Variants in POLR2C observed in about 807,000 individuals in gnomAD.
POLR2C encodes RNA polymerase II subunit C.
Under a neutral mutation model 41.7 loss-of-function variants are expected in POLR2C, and 36 were observed. That is an observed-to-expected ratio of 0.86 (90% CI 0.66 to 1.14). The LOEUF is 1.14. Ranked by LOEUF, POLR2C falls within the 50% of genes most tolerant of loss-of-function variation. The probability of loss-of-function intolerance (pLI) is 0.00; values close to 1 mark genes in which losing one functional copy is unlikely to be tolerated. For synonymous variants in POLR2C, 133 were observed against 137.8 expected (o/e 0.96, Z 0.25); for missense variants, 260 against 350.4 (o/e 0.74, Z 2.06).
At chr16:57,468,974 A>G (rs1465994234) in intron 4 of POLR2C, among the ~76,000 whole-genome samples, 191 bp from the exon 5 acceptor site, 1 of 152,232 alleles carries the variant, frequency 6.6e-6, no homozygotes, top group Non-Finnish European at 1.5e-5. Flanking sequence ...AGTTGTCTCT[A>G]AACTTGGGCA....
At position 57,469,505 on chromosome 16, in the gene POLR2C, T is replaced by C; in HGVS notation, c.388-205T>C. The stretch of plus-strand genomic sequence containing the variant: ...GCACCCTCTATCACCCAGGGACTCT[T>C]TTAAAGGCCATGGAATTGTTTTGCC... On this transcript the variant is annotated intron_variant, in intron 5 of 8. Transcript: ENST00000219252. The surrounding 1 kb of genome is among the most constrained non-coding windows in gnomAD (Gnocchi z 5.8). 1.4e-6 allele frequency: 1 copy of C among 724,850 alleles called. No individual in the cohort carries two copies. The allele number at this position is 724,850 out of a possible 1,614,324, so 44.9% of individuals were successfully genotyped here. A position where few individuals can be genotyped will look rare whatever the true frequency, so the allele number is the denominator to read the frequency against.
In POLR2C at chr16:57,471,013, C is replaced by T; in HGVS notation, c.722C>T (p.Pro241Leu). ...GTGGAGTCCTGTGGCTCTCTGCGTC[C>T]TGAAACCATTGTCCTGTCAGCCCTC... ...YNVESCGSLR[P>L]ETIVLSALSG... Residue 241 changes from proline (P) to leucine (L), a missense_variant, in exon 9 of 9, where the codon CCT (proline) becomes CTT (leucine). By Grantham distance (98) the Pro-to-Leu change is moderately conservative. Coordinates refer to ENST00000219252, the MANE Select transcript of POLR2C (RefSeq NM_032940.3). 6.2e-7 allele frequency: 1 copy of T among 1,613,884 alleles called. No homozygotes were observed. Among genetic ancestry groups the T allele is most frequent in the African/African-American group, 1.3e-5 (1 of 75,016 alleles).
rs577153605 is a variant in POLR2C, at chr16:57,468,934, G to A, written c.259-231G>A. ...GTGGCCTGGCAGCTGGTGGGAGTGG[G>A]AAAGAAATGTGCGTGCCAGTGTATG... is the stretch of plus-strand genomic sequence containing the variant. On this transcript the variant is annotated intron_variant, in intron 4 of 8. Transcript: ENST00000219252. Among the ~76,000 whole-genome samples, 6 of 152,302 alleles carry A rather than the reference G, an allele frequency of 3.9e-5. No homozygotes were observed. In the South Asian group the frequency reaches 1.2e-3, roughly 32 times the overall value.
chr16:57,470,373 A>C lies in POLR2C; in HGVS notation c.683+19A>C. On this transcript the variant is annotated intron_variant, in intron 8 of 8. Transcript: ENST00000219252. ...CAGAAAGGTAAGAGCCTGGTTGGAC[A>C]TGGGAAGGTGAAGTGTGGAAGAAGG... 1 of 1,575,300 alleles carries C rather than the reference A, an allele frequency of 6.3e-7. No individual in the cohort carries two copies. The highest frequency in any genetic ancestry group is 8.6e-7 in the Non-Finnish European group (1 of 1,157,048).
rs199769191 is a variant in POLR2C, at chr16:57,469,680, G to A, written c.388-30G>A. On this transcript the variant is annotated intron_variant, in intron 5 of 8. Transcript: ENST00000219252. This position sits in a 1 kb window ranked among gnomAD's most constrained non-coding sequence, Gnocchi z 5.8. The stretch of plus-strand genomic sequence containing the variant: ...GAGGAGGTGACTGGGGAGGTGAGCA[G>A]CTAATGAATGCCTGGTGGACTCCCT... 50 of 1,594,670 alleles carry A rather than the reference G, an allele frequency of 3.1e-5. No homozygotes were observed. Among genetic ancestry groups the A allele is most frequent in the Non-Finnish European group, 3.9e-5 (45 of 1,164,046 alleles).
rs190661733 is a variant in POLR2C, at chr16:57,463,267, G to A, written c.136+189G>A. 8.1e-5 allele frequency: 52 copies of A among 640,764 alleles called. No individual in the cohort carries two copies. The African/African-American group carries it at 8.3e-4, about 10-fold the overall frequency. The allele number at this position is 640,764 out of a possible 1,614,324, so 39.7% of individuals were successfully genotyped here. A position where few individuals can be genotyped will look rare whatever the true frequency, so the allele number is the denominator to read the frequency against. On this transcript the variant is annotated intron_variant, in intron 2 of 8. Transcript: ENST00000219252. ...GTGGCCGCCTCCCTGGCGCCCACGGGCCACTTAGGTCCACCCTTGTCCTGG... is the reference window on the plus strand; with the variant it reads ...GTGGCCGCCTCCCTGGCGCCCACGGACCACTTAGGTCCACCCTTGTCCTGG...
chr16:57,469,784 C>T lies in POLR2C; in HGVS notation c.439+23C>T, dbSNP rs773144535. Reference sequence around the variant, plus strand: ...ATGGTAAGTCTTCCTGACCTGTCACCGTGTGGGCCAGCGGGAAGGAGGGAC... The same window carrying T: ...ATGGTAAGTCTTCCTGACCTGTCACTGTGTGGGCCAGCGGGAAGGAGGGAC... On this transcript the variant is annotated intron_variant, in intron 6 of 8. Transcript: ENST00000219252. This position sits in a 1 kb window ranked among gnomAD's most constrained non-coding sequence, Gnocchi z 5.8. The T allele has an allele frequency of 1.4e-5, 22 of 1,608,092 alleles. No homozygotes were observed. The highest frequency in any genetic ancestry group is 4.5e-5 in the East Asian group (2 of 44,872).
In POLR2C at chr16:57,469,156, C is replaced by G; in HGVS notation, c.259-9C>G. The G allele has an allele frequency of 6.2e-7, 1 of 1,606,800 alleles. No individual in the cohort carries two copies. Among genetic ancestry groups the G allele is most frequent in the East Asian group, 2.2e-5 (1 of 44,694 alleles). ...CTTTGACTCATTCCTGCTTCCCTTC[C>G]TGCCTTAGGACTGCACATGTGAGGA... On this transcript the variant is annotated splice_polypyrimidine_tract_variant and intron_variant, in intron 4 of 8. Coordinates refer to ENST00000219252, the MANE Select transcript of POLR2C (RefSeq NM_032940.3). The surrounding 1 kb of genome is among the most constrained non-coding windows in gnomAD (Gnocchi z 5.8).
chr16:57,470,404 T>TCC, intron 8 of POLR2C, 50 bp downstream of exon 8: 1 of 1,433,300 alleles, frequency 7.0e-7, no homozygotes, highest in African/African-American at 1.4e-5. Context: ...GAAGGGATGG[T>TCC]TTTGGTTCAG....
At chr16:57,466,269 G>A (rs535477531) in intron 4 of POLR2C, 42 bp downstream of exon 4, 19 of 1,374,096 alleles carry the variant, frequency 1.4e-5, no homozygotes, top group Non-Finnish European at 1.8e-5. Context: ...TTGGTGGGGA[G>A]GCTTTGGTTC....
chr16:57,462,885 C>T (rs935178014), intron 1 of POLR2C, 75 bp downstream of exon 1: 2 of 151,598 alleles, frequency 1.3e-5, no homozygotes, highest in Non-Finnish European at 2.3e-5. Context: ...GGGCAGGGGG[C>T]GGGGGTGTAG....
At chr16:57,463,366 T>TA in intron 2 of POLR2C, 1 of 557,668 alleles carries the variant, frequency 1.8e-6, no homozygotes, top group East Asian at 3.1e-5. Context: ...CTACTATTGT[T>TA]ACAAAAGTTT....
chr16:57,463,099 G>C (rs774472328), intron 2 of POLR2C, 21 bp downstream of exon 2: 51 of 1,600,564 alleles, frequency 3.2e-5, no homozygotes, highest in Non-Finnish European at 4.3e-5. Context: ...CCCCTTCCTC[G>C]TTCCCGCGCC....
intron 4 of POLR2C, among the ~76,000 whole-genome samples, chr16:57,467,212 G>A (rs975858428): frequency 6.6e-6 from 1 of 152,206 alleles, no homozygotes; most frequent in African/African-American, 2.4e-5. Context: ...CAGCCTGGGT[G>A]ACAAAGTGAG....
At position 57,469,247 on chromosome 16, in the gene POLR2C, A is replaced by C; in HGVS notation, c.341A>C (p.His114Pro). The change falls in exon 5 of 9, where the codon CAT becomes CCT. Residue 114 changes from histidine to proline, a missense_variant. By Grantham distance (77) the His-to-Pro change is moderately conservative (BLOSUM62 -2). Transcript: ENST00000219252. This position sits in a 1 kb window ranked among gnomAD's most constrained non-coding sequence, Gnocchi z 5.8. Reference sequence around the variant, plus strand: ...CGGTGCAATGAAGACCAGACGCGACATGTCACGTCTCGAGACCTCATCTCC... The same window carrying C: ...CGGTGCAATGAAGACCAGACGCGACCTGTCACGTCTCGAGACCTCATCTCC... ...DVRCNEDQTR[H>P]VTSRDLISNS... The C allele has an allele frequency of 1.2e-6, 2 of 1,614,162 alleles. No individual in the cohort carries two copies. Among genetic ancestry groups the C allele is most frequent in the Non-Finnish European group, 1.7e-6 (2 of 1,180,018 alleles).
At chr16:57,463,832 A>G (rs2030640050) in intron 2 of POLR2C, 1 of 319,480 alleles carries the variant, frequency 3.1e-6, no homozygotes, top group Non-Finnish European at 6.2e-6. Flanking sequence ...AATCCCAGCT[A>G]CTGGGGAGGC....
At chr16:57,462,857 G>C in intron 1 of POLR2C, 47 bp downstream of exon 1, 1 of 1,052,540 alleles carries the variant, frequency 9.5e-7, no homozygotes, top group Non-Finnish European at 1.3e-6. Flanking sequence ...GCGCCGGGAG[G>C]CCCAAGCCGG....
At chr16:57,465,682 A>T (rs966995984) in intron 2 of POLR2C, 6 of 394,894 alleles carry the variant, frequency 1.5e-5, no homozygotes, top group Middle Eastern at 6.7e-4. Context: ...GCTCAAATAA[A>T]CATGTTTCCA....
chr16:57,462,930 GC>G, intron 1 of POLR2C, 98 bp from the exon 2 acceptor site: 5 of 1,187,756 alleles, frequency 4.2e-6, no homozygotes, highest in South Asian at 1.4e-5. Context: ...TTCCAGAGCT[GC>G]CCCCCTGCAC....
Sources: allele counts gnomAD v4.1 joint callset (sites outside exome capture counted in the v4.1 genomes callset), GRCh38; gene constraint gnomAD v4.1.1; non-coding constraint Gnocchi (gnomAD v3.1); transcripts MANE v1.5; gene names NCBI Gene and HGNC (gene_info 2026-07-23, HGNC 2026-07-21).